DTWD2: variants seen among roughly 807,000 people sequenced by gnomAD.
The protein encoded by DTWD2 is DTW motif tRNA-uridine aminocarboxypropyltransferase 2, also known as tRNA-uridine aminocarboxypropyltransferase 2.
A neutral mutation model predicts 31.8 loss-of-function variants in DTWD2; 39 were observed. The ratio of observed to expected loss-of-function variants is 1.22; its 90% CI spans 0.95 to 1.60. The LOEUF is 1.60. Among genes scored for constraint, DTWD2 ranks in the 40% most tolerant of loss-of-function variants. The pLI is 0.00. For missense variants in DTWD2, 515 were observed against 381.5 expected (o/e 1.35, Z -2.92); for synonymous variants, 180 against 142.8 (o/e 1.26, Z -1.86).
chr5:118,870,188 T>C (rs1752471106), intron 4 of DTWD2, among the ~76,000 whole-genome samples: 1 of 152,214 alleles, frequency 6.6e-6, no homozygotes, highest in African/African-American at 2.4e-5. Context: ...AGGTATTCCA[T>C]ATAGCAATGC....
At position 118,945,118 on chromosome 5, in the gene DTWD2, G is replaced by A. The variant is rs1169390129; in HGVS notation, c.219-469C>T. Among the ~76,000 whole-genome samples, 6 of 152,140 alleles carry A rather than the reference G, an allele frequency of 3.9e-5. No individual in the cohort carries two copies. The East Asian group carries it at 1.2e-3, about 29-fold the overall frequency. ...TCAAACTTAGCCATCAATCAATACA[G>A]AGAACTTACCAATTGTGAGAAGAAA... On this transcript the variant is annotated intron_variant, in intron 1 of 5. Transcript: ENST00000510708.
intron 1 of DTWD2, among the ~76,000 whole-genome samples, chr5:118,948,346 T>C (rs1026026471): frequency 1.1e-4 from 17 of 151,076 alleles, no homozygotes; most frequent in African/African-American, 3.9e-4. Context: ...CCGGGCATGA[T>C]GGCAGGTGCC....
At chr5:118,882,464 G>A (rs910361396) in intron 4 of DTWD2, among the ~76,000 whole-genome samples, 7 of 152,226 alleles carry the variant, frequency 4.6e-5, no homozygotes, top group African/African-American at 7.2e-5. Flanking sequence ...ACTAGGCAGT[G>A]CTCCACTGGG....
rs147157769 is a variant in DTWD2 at position 118,837,001 on chromosome 5, T to C, written c.*3916A>G. Among the ~76,000 whole-genome samples, 256 of 152,330 alleles carry C rather than the reference T, an allele frequency of 1.7e-3. 1 individual carries two copies. Among genetic ancestry groups the C allele is most frequent in the Middle Eastern group, 6.8e-3 (2 of 294 alleles). The stretch of plus-strand genomic sequence containing the variant: ...CCAGATTTCCTGAATAATTTTTAAA[T>C]ATAAAATTGTAAACTGTTAAGACCA... On this transcript the variant is annotated 3_prime_UTR_variant, in exon 6 of 6. Transcript: ENST00000510708.
chr5:118,863,423 C>G (rs886926587), intron 4 of DTWD2, among the ~76,000 whole-genome samples: 2 of 152,152 alleles, frequency 1.3e-5, no homozygotes, highest in South Asian at 4.1e-4. Context: ...AAGAAAACAT[C>G]TTATTCAAGA....
chr5:118,956,472 G>A (rs1023308427), intron 1 of DTWD2, among the ~76,000 whole-genome samples: 1 of 152,132 alleles, frequency 6.6e-6, no homozygotes, highest in Non-Finnish European at 1.5e-5. Context: ...TAATACAAAG[G>A]TAATGTGTAT....
chr5:118,944,300 T>A (rs1485233646), intron 2 of DTWD2, among the ~76,000 whole-genome samples: 2 of 152,202 alleles, frequency 1.3e-5, no homozygotes, highest in Admixed American at 6.5e-5. Flanking sequence ...TTTTTCTTCA[T>A]ACAAAATTGT....
chr5:118,947,406 G>T (rs1431309866), intron 1 of DTWD2, among the ~76,000 whole-genome samples: 2 of 152,204 alleles, frequency 1.3e-5, no homozygotes, highest in Non-Finnish European at 2.9e-5. Context: ...AAGAGGGATG[G>T]AGCAGGAAGG....
intron 4 of DTWD2, among the ~76,000 whole-genome samples, chr5:118,857,020 G>C (rs1272331824): frequency 6.6e-6 from 1 of 151,642 alleles, no homozygotes; most frequent in Non-Finnish European, 1.5e-5. Context: ...CAGGTGATCT[G>C]CCCACCTCAG....
At chr5:118,891,863 A>G (rs1477547425) in intron 4 of DTWD2, among the ~76,000 whole-genome samples, 1 of 152,224 alleles carries the variant, frequency 6.6e-6, no homozygotes, top group Non-Finnish European at 1.5e-5. Context: ...TCGGTCTCTT[A>G]GCCTCAAACA....
chr5:118,950,159 G>A (rs1000053137), intron 1 of DTWD2, among the ~76,000 whole-genome samples: 1 of 140,984 alleles, frequency 7.1e-6, no homozygotes, highest in East Asian at 2.1e-4. Context: ...GTATTATTGA[G>A]CCGAGATCAC....
At position 118,947,091 on chromosome 5, in the gene DTWD2, C is replaced by T. The variant is rs138401173; in HGVS notation, c.219-2442G>A. Among the ~76,000 whole-genome samples, 5 of 152,236 alleles carry T rather than the reference C, an allele frequency of 3.3e-5. No homozygotes were observed. In the East Asian group the frequency reaches 9.7e-4, roughly 29 times the overall value. On this transcript the variant is annotated intron_variant, in intron 1 of 5. Transcript: ENST00000510708. ...CCTCACTTACTCAGCCCACAGCTCT[C>T]AACGCCTGGTGGGACGGGGAGCAGC...
chr5:118,871,690 C>G (rs1416500526), intron 4 of DTWD2, among the ~76,000 whole-genome samples: 3 of 152,144 alleles, frequency 2.0e-5, no homozygotes, highest in South Asian at 2.1e-4. Flanking sequence ...GAGCCATCAT[C>G]CAGGCTTTCT....
chr5:118,853,442 T>G (rs1038899971), intron 4 of DTWD2, among the ~76,000 whole-genome samples: 1 of 152,062 alleles, frequency 6.6e-6, no homozygotes. Context: ...AAAAGATACA[T>G]GCACTTATAT....
intron 1 of DTWD2, among the ~76,000 whole-genome samples, chr5:118,975,525 T>TGTCA (rs1561479101): frequency 1.3e-5 from 2 of 152,224 alleles, no homozygotes; most frequent in African/African-American, 2.4e-5. Context: ...AGCCTACTTA[T>TGTCA]GTCAATACAT....
At chr5:118,985,975 C>G (rs1280814111) in intron 1 of DTWD2, among the ~76,000 whole-genome samples, 1 of 152,062 alleles carries the variant, frequency 6.6e-6, no homozygotes, top group Non-Finnish European at 1.5e-5. Context: ...TTCAGGAGAA[C>G]TGAAGTCATC....
At chr5:118,857,775 T>C (rs904576063) in intron 4 of DTWD2, among the ~76,000 whole-genome samples, 24 of 152,256 alleles carry the variant, frequency 1.6e-4, no homozygotes, top group African/African-American at 5.8e-4. Context: ...CTAGCCAGAG[T>C]GGAAAATCTG....
intron 1 of DTWD2, among the ~76,000 whole-genome samples, chr5:118,967,802 A>G (rs1189991297): frequency 6.6e-6 from 1 of 152,198 alleles, no homozygotes; most frequent in Non-Finnish European, 1.5e-5. Flanking sequence ...CCATCAGAGC[A>G]CCATAGCCAT....
intron 2 of DTWD2, among the ~76,000 whole-genome samples, chr5:118,943,803 T>C (rs1580426504): frequency 6.6e-6 from 1 of 152,332 alleles, no homozygotes; most frequent in East Asian, 1.9e-4. Flanking sequence ...TTTATACCTC[T>C]GTTAAAGTCT....
Sources: allele counts gnomAD v4.1 joint callset (sites outside exome capture counted in the v4.1 genomes callset), GRCh38; gene constraint gnomAD v4.1.1; transcripts MANE v1.5; gene names NCBI Gene and HGNC (gene_info 2026-07-23, HGNC 2026-07-21).